The following UGT2B11 variants were observed in gnomAD, a reference collection of about 807,000 sequenced individuals.
UGT2B11 encodes the protein UDP-glucuronosyltransferase 2B11.
Under a neutral mutation model 51.7 loss-of-function variants are expected in UGT2B11, and 49 were observed. The observed-to-expected ratio is 0.95, with a 90% CI of 0.75 to 1.20. The LOEUF is 1.20. UGT2B11 is among the 50% of genes most tolerant of loss of function. The probability of loss-of-function intolerance (pLI) is 0.00; values close to 1 mark genes in which losing one functional copy is unlikely to be tolerated. For synonymous variants in UGT2B11, 273 were observed against 209.0 expected, an observed-to-expected ratio of 1.31 and a Z score of -2.64; for missense variants, 810 against 622.1, an observed-to-expected ratio of 1.30 and a Z score of -3.21.
chr4:69,206,591 G>A (rs1023980345), intron 3 of UGT2B11, among the ~76,000 whole-genome samples: 1 of 151,306 alleles, frequency 6.6e-6, no homozygotes, highest in East Asian at 2.0e-4. Context: ...GTTTACCTAT[G>A]TAAAAAACCT....
At position 69,214,387 on chromosome 4, in the gene UGT2B11, T is replaced by C. The variant is rs1330740537; in HGVS notation, c.336A>G (p.Glu112=). The stretch of plus-strand genomic sequence containing the variant: ...CATATAATTCCCACAGGATTTCTTG[T>C]TCTTGTGAAAAATATAACCAAAAGC... The part of the protein sequence containing the change: ...KDSFWLYFSQ[E]QEILWELYDI... The change falls in exon 1 of 6, where the codon GAA becomes GAG. Residue 112 remains glutamate, a synonymous_variant. Coordinates refer to ENST00000446444, the MANE Select transcript of UGT2B11 (RefSeq NM_001073.3). 1.2e-6 allele frequency: 2 copies of C among 1,612,664 alleles called. No individual in the cohort carries two copies. Among genetic ancestry groups the C allele is most frequent in the East Asian group, 2.2e-5 (1 of 44,802 alleles).
chr4:69,208,634 T>C, intron 2 of UGT2B11, 152 bp from the exon 3 acceptor site: 10 of 1,412,692 alleles, frequency 7.1e-6, no homozygotes, highest in Non-Finnish European at 9.5e-6. Flanking sequence ...TCAGTTTCTT[T>C]GCAAGAAGAT....
At position 69,208,663 on chromosome 4, in the gene UGT2B11, C is replaced by T. The variant is rs188973512; in HGVS notation, c.871-181G>A. 7.2e-3 allele frequency among the ~76,000 whole-genome samples: 1,095 copies of T among 151,574 alleles called. 14 individuals are homozygous for T. Among genetic ancestry groups the T allele is most frequent in the African/African-American group, 0.025 (1,015 of 41,402 alleles). On this transcript the variant is annotated intron_variant, in intron 2 of 5. Transcript: ENST00000446444. The stretch of plus-strand genomic sequence containing the variant: ...AGAAGATGTTTGAGATAGTTGGCCT[C>T]TGTTAAGGATATTTGTGTAAATATG...
upstream of UGT2B11, chr4:69,216,536 A>G (rs1400344132): frequency 6.6e-6 from 1 of 151,562 alleles, no homozygotes; most frequent in Non-Finnish European, 1.5e-5. Context: ...AATTGATACA[A>G]AGACTGTATT....
chr4:69,206,445 T>G (rs532100738), intron 3 of UGT2B11, among the ~76,000 whole-genome samples: 2 of 151,448 alleles, frequency 1.3e-5, no homozygotes, highest in African/African-American at 4.8e-5. Context: ...GACACATAGA[T>G]GGCAACAACA....
the UGT2B11 span, among the ~76,000 whole-genome samples, chr4:69,222,402 A>G: frequency 6.6e-6 from 1 of 152,184 alleles, no homozygotes; most frequent in Non-Finnish European, 1.5e-5. Context: ...AGTAGTTCAC[A>G]GGCTTTTTCC....
intron 2 of UGT2B11, among the ~76,000 whole-genome samples, chr4:69,209,988 ATATGTATTTTT>A (rs1252040930): frequency 6.6e-6 from 1 of 151,664 alleles, no homozygotes; most frequent in African/African-American, 2.4e-5. Context: ...TTTATAGAAA[ATATGTATTTTT>A]TATTATGGAT....
intron 2 of UGT2B11, among the ~76,000 whole-genome samples, chr4:69,209,100 G>A (rs991916237): frequency 1.3e-5 from 2 of 151,652 alleles, no homozygotes; most frequent in Non-Finnish European, 3.0e-5. Context: ...AAAGCTGGTG[G>A]TTAAGAATCA....
intron 3 of UGT2B11, 88 bp from the exon 4 acceptor site, chr4:69,205,655 C>G (rs1208166444): frequency 8.6e-6 from 12 of 1,393,186 alleles, no homozygotes; most frequent in Non-Finnish European, 1.2e-5. Context: ...GGAATGAGAT[C>G]AAGGGATGTT....
chr4:69,212,173 T>C (rs1008792048), intron 2 of UGT2B11, among the ~76,000 whole-genome samples: 1 of 151,718 alleles, frequency 6.6e-6, no homozygotes, highest in African/African-American at 2.4e-5. Context: ...ATTACTTTTC[T>C]ATATATCAAA....
At chr4:69,205,809 A>C (rs1279079637) in intron 3 of UGT2B11, 1 of 399,738 alleles carries the variant, frequency 2.5e-6, no homozygotes, top group Admixed American at 4.5e-5. Context: ...GAAAAGTTCA[A>C]ATATTCAAAA....
At position 69,205,125 on chromosome 4, in the gene UGT2B11, T is replaced by C. The variant is rs189796113; in HGVS notation, c.1090+355A>G. 1.7e-3 allele frequency among the ~76,000 whole-genome samples: 265 copies of C among 151,672 alleles called. 3 individuals carry two copies. Among genetic ancestry groups the C allele is most frequent in the African/African-American group, 6.3e-3 (260 of 41,452 alleles). On this transcript the variant is annotated intron_variant, in intron 4 of 5. Transcript: ENST00000446444. Reference sequence around the variant, plus strand: ...CCTCCAGAAAATACAGAGTTACTGGTGATAGAAGAGCTATTATATTTACTG... The same window carrying C: ...CCTCCAGAAAATACAGAGTTACTGGCGATAGAAGAGCTATTATATTTACTG...
At chr4:69,205,804 G>A in intron 3 of UGT2B11, 1 of 414,664 alleles carries the variant, frequency 2.4e-6, no homozygotes, top group East Asian at 4.5e-5. Flanking sequence ...TCAATGAAAA[G>A]TTCAAATATT....
At chr4:69,201,456 C>CT (rs1446847292) in intron 5 of UGT2B11, among the ~76,000 whole-genome samples, 4 of 151,804 alleles carry the variant, frequency 2.6e-5, no homozygotes, top group Non-Finnish European at 5.9e-5. Context: ...AAATTCAACT[C>CT]TGTTATTTGG....
chr4:69,205,356 C>A (rs1281482910), intron 4 of UGT2B11, 124 bp downstream of exon 4: 25 of 1,301,466 alleles, frequency 1.9e-5, no homozygotes, highest in South Asian at 9.5e-5. Flanking sequence ...TCCCCTAGGA[C>A]TGGAAAATAA....
chr4:69,210,812 G>A lies in UGT2B11; in HGVS notation c.870+1761C>T, dbSNP rs114054966. Among the ~76,000 whole-genome samples, 1,173 of 151,718 alleles carry A rather than the reference G, an allele frequency of 7.7e-3. 12 individuals carry two copies. The highest frequency in any genetic ancestry group is 0.025 in the African/African-American group (1,027 of 41,482). On this transcript the variant is annotated intron_variant, in intron 2 of 5. Transcript: ENST00000446444. ...CAATGGAATAAAATTTCAGTTTTAT[G>A]TAAGCAAAAACGTTCTTTTAAGAGG...
At position 69,200,390 on chromosome 4, in the gene UGT2B11, C is replaced by G; in HGVS notation, c.*50G>C. 1.5e-6 allele frequency: 2 copies of G among 1,314,132 alleles called. No individual in the cohort carries two copies. Among genetic ancestry groups the G allele is most frequent in the South Asian group, 1.6e-5 (1 of 61,096 alleles). 81.4% of individuals were successfully genotyped at this position (1,314,132 alleles called of 1,614,324 possible). A position where few individuals can be genotyped will look rare whatever the true frequency, so the allele number is the denominator to read the frequency against. ...ATCTTTTCTTTCTTGCTGGAATAAA[C>G]TGAAGTTGTCCTATCTATCTGGTTT... On this transcript the variant is annotated 3_prime_UTR_variant, in exon 6 of 6. Coordinates refer to ENST00000446444, the MANE Select transcript of UGT2B11 (RefSeq NM_001073.3).
intron 2 of UGT2B11, among the ~76,000 whole-genome samples, chr4:69,210,374 G>T (rs1293595089): frequency 6.6e-6 from 1 of 151,528 alleles, no homozygotes; most frequent in African/African-American, 2.4e-5. Context: ...GATGCAGTTT[G>T]TCAAGTGTCT....
At chr4:69,214,946 C>G (rs1395288899), upstream of UGT2B11, 3 of 678,524 alleles carry the variant, frequency 4.4e-6, no homozygotes, top group Non-Finnish European at 6.8e-6. Flanking sequence ...CTGTCATCCA[C>G]CTAAGATTAA....
Sources: gnomAD v4.1 joint callset for allele counts (sites outside exome capture counted in the v4.1 genomes callset) on GRCh38, gnomAD v4.1.1 for gene constraint, MANE v1.5 for transcripts, NCBI Gene and HGNC (gene_info 2026-07-23, HGNC 2026-07-21) for gene names.